The following PKD1L1 variants were observed in gnomAD, a reference collection of about 807,000 sequenced individuals.
PKD1L1 encodes the protein polycystin-1-like protein 1.
In PKD1L1, 236 loss-of-function variants were observed where a neutral mutation model predicts 323.4. That is an observed-to-expected ratio of 0.73 (90% confidence interval 0.66 to 0.81). PKD1L1 has a LOEUF of 0.81. PKD1L1 is among the 40% of genes least tolerant of loss of function. The pLI is 0.00. For missense variants in PKD1L1, 3,320 were observed against 3,508.0 expected (o/e 0.95, Z 1.35); for synonymous variants, 1,344 against 1,335.0 (o/e 1.01, Z -0.15).
chr7:47,910,888 A>G (rs889094421), intron 8 of PKD1L1, among the ~76,000 whole-genome samples: 38 of 138,080 alleles, frequency 2.8e-4, no homozygotes, highest in Non-Finnish European at 1.5e-4. Flanking sequence ...GGATTTCACC[A>G]TGTTGGCCAA....
intron 48 of PKD1L1, 134 bp downstream of exon 48, chr7:47,813,797 C>G: frequency 1.3e-6 from 1 of 761,548 alleles, no homozygotes; most frequent in South Asian, 1.7e-5. Context: ...CTCCCCAGCC[C>G]CGGCACTGAC....
chr7:47,880,274 A>ATTT (rs1786517137), intron 21 of PKD1L1, among the ~76,000 whole-genome samples: 2 of 69,776 alleles, frequency 2.9e-5, no homozygotes, highest in African/African-American at 1.5e-4. Context: ...ACATATATAT[A>ATTT]TATATATATA....
chr7:47,834,332 G>T lies in PKD1L1; in HGVS notation c.6174+7C>A. ...AGATTAGCTGCTGCGCATAATGATT[G>T]ATTTACCTTGCGTGGCTCCTGTGCG... is the stretch of plus-strand genomic sequence containing the variant. On this transcript the variant is annotated splice_region_variant and intron_variant, in intron 40 of 56. Coordinates refer to ENST00000289672, the MANE Select transcript of PKD1L1 (RefSeq NM_138295.5). 6.2e-7 allele frequency: 1 copy of T among 1,612,880 alleles called. No homozygotes were observed. Among genetic ancestry groups the T allele is most frequent in the East Asian group, 2.2e-5 (1 of 44,884 alleles).
At chr7:47,861,521 C>T (rs11763656) in intron 26 of PKD1L1, among the ~76,000 whole-genome samples, 26,108 of 152,126 alleles carry the variant, frequency 0.17, 2,402 homozygotes, top group East Asian at 0.36. Flanking sequence ...AAGATGCCTA[C>T]GTTGGGTTGT....
chr7:47,796,162 A>G lies in PKD1L1; in HGVS notation c.8194-12T>C, dbSNP rs1393414936. ...AGAAAACCTCTCAGCTAGGAAAAAG[A>G]AAAAAATAAAGACAAATTTCATGTT... is the stretch of plus-strand genomic sequence containing the variant. On this transcript the variant is annotated splice_polypyrimidine_tract_variant and intron_variant, in intron 54 of 56. Coordinates refer to ENST00000289672, the MANE Select transcript of PKD1L1 (RefSeq NM_138295.5). 1 of 1,566,534 alleles carries G rather than the reference A, an allele frequency of 6.4e-7. No homozygotes were observed. The highest frequency in any genetic ancestry group is 1.4e-5 in the African/African-American group (1 of 72,344).
intron 56 of PKD1L1, among the ~76,000 whole-genome samples, chr7:47,789,273 C>T (rs185342003): frequency 1.3e-5 from 2 of 152,162 alleles, no homozygotes; most frequent in African/African-American, 2.4e-5. Flanking sequence ...AGATTTCTGT[C>T]TCTACTCAAG....
At chr7:47,803,494 G>A (rs1784711604) in intron 52 of PKD1L1, 150 bp from the exon 53 acceptor site, 4 of 848,192 alleles carry the variant, frequency 4.7e-6, no homozygotes, top group African/African-American at 1.7e-5. Context: ...AAGTGCAGAT[G>A]TCTGCAGAGG....
At chr7:47,902,558 C>A in intron 12 of PKD1L1, 47 bp from the exon 13 acceptor site, 2 of 1,594,630 alleles carry the variant, frequency 1.3e-6, no homozygotes, top group Non-Finnish European at 8.6e-7. Flanking sequence ...TGTTGATGAA[C>A]GTCAGGCTTT....
chr7:47,825,272 A>G (rs1485710021), intron 45 of PKD1L1, among the ~76,000 whole-genome samples: 1 of 150,566 alleles, frequency 6.6e-6, no homozygotes, highest in African/African-American at 2.4e-5. Flanking sequence ...GCTCATGCCT[A>G]TAATCCCAGC....
intron 7 of PKD1L1, among the ~76,000 whole-genome samples, chr7:47,919,953 G>A (rs1787501804): frequency 1.3e-5 from 2 of 152,036 alleles, no homozygotes; most frequent in African/African-American, 2.4e-5. Flanking sequence ...CTGAGAACTC[G>A]AACAAGACAA....
Position 47,904,372 on chromosome 7 carries a change from G to A in PKD1L1, c.1931+6C>T. ...GAGAGCACTCCGCCGCCTTGCAGTG[G>A]CTCACCTACTGTAGACATGGCTGCT... On this transcript the variant is annotated splice_donor_region_variant and intron_variant, in intron 12 of 56. Coordinates refer to ENST00000289672, the MANE Select transcript of PKD1L1 (RefSeq NM_138295.5). 1 of 1,613,972 alleles carries A rather than the reference G, an allele frequency of 6.2e-7. No individual in the cohort carries two copies. The highest frequency in any genetic ancestry group is 1.1e-5 in the South Asian group (1 of 91,082).
At position 47,811,923 on chromosome 7, in the gene PKD1L1, C is replaced by A; in HGVS notation, c.7475G>T (p.Arg2492Ile). ...ACTCCCCGTAGGGAGGATCTCCACTCTCAGGGACACGCTGGTGAAGAGTTG... is the reference window on the plus strand; with the variant it reads ...ACTCCCCGTAGGGAGGATCTCCACTATCAGGGACACGCTGGTGAAGAGTTG... ...PTQLFTSVSL[R>I]VEILPTGSLV... The change falls in exon 50 of 57, where the codon AGA becomes ATA. Residue 2492 changes from arginine to isoleucine, a missense_variant. Arg to Ile is a moderately conservative substitution (Grantham distance 97). Transcript: ENST00000289672. 1 of 1,608,890 alleles carries A rather than the reference C, an allele frequency of 6.2e-7. No individual in the cohort carries two copies. The highest frequency in any genetic ancestry group is 2.2e-5 in the East Asian group (1 of 44,664).
intron 42 of PKD1L1, among the ~76,000 whole-genome samples, chr7:47,830,784 C>T (rs924655105): frequency 4.6e-5 from 7 of 152,148 alleles, no homozygotes; most frequent in Non-Finnish European, 7.4e-5. Context: ...TACCATGTGC[C>T]GGAGTGACAG....
chr7:47,803,897 G>A (rs1310716923), intron 52 of PKD1L1, among the ~76,000 whole-genome samples: 1 of 152,158 alleles, frequency 6.6e-6, no homozygotes, highest in East Asian at 1.9e-4. Flanking sequence ...TAGTACAACT[G>A]GGGGGCATGG....
In PKD1L1 at chr7:47,928,005, G is replaced by A. The variant is rs891569614; in HGVS notation, c.1060+1199C>T. ...CTCAGCAACCACACCAAAAGCCAGG[G>A]AAGCTCTTTCTGTGTAGACAGGGAA... is the stretch of plus-strand genomic sequence containing the variant. On this transcript the variant is annotated intron_variant, in intron 7 of 56. Coordinates refer to ENST00000289672, the MANE Select transcript of PKD1L1 (RefSeq NM_138295.5). 6.6e-5 allele frequency among the ~76,000 whole-genome samples: 10 copies of A among 152,314 alleles called. No individual in the cohort carries two copies. The South Asian group carries it at 2.1e-3, about 32-fold the overall frequency.
intron 13 of PKD1L1, among the ~76,000 whole-genome samples, chr7:47,902,033 GGAAAA>G (rs199667705): frequency 7.1e-4 from 94 of 132,516 alleles, no homozygotes; most frequent in East Asian, 2.5e-3. Context: ...GGAAAGGAAA[GGAAAA>G]GAAAAGAAAA....
chr7:47,805,096 CACACACA>C (rs1784749641), intron 52 of PKD1L1, among the ~76,000 whole-genome samples: 1 of 127,556 alleles, frequency 7.8e-6, no homozygotes, highest in Non-Finnish European at 1.8e-5. Flanking sequence ...TACACACACA[CACACACA>C]CACACACACA....
In PKD1L1 at chr7:47,844,989, A is replaced by C. The variant is rs372689787; in HGVS notation, c.5237+6T>G. On this transcript the variant is annotated splice_donor_region_variant and intron_variant, in intron 33 of 56. Transcript: ENST00000289672. ...ATGAAGTCTTTATGTAGGAAATGGA[A>C]CTTACCTCTGTAGCTTGGAAATGTC... The C allele has an allele frequency of 1.9e-6, 3 of 1,610,586 alleles. No homozygotes were observed. The highest frequency in any genetic ancestry group is 2.7e-5 in the African/African-American group (2 of 74,838).
Position 47,844,985 on chromosome 7 carries a change from T to A in PKD1L1, c.5237+10A>T, listed in dbSNP as rs200854691. On this transcript the variant is annotated intron_variant, in intron 33 of 56. Coordinates refer to ENST00000289672, the MANE Select transcript of PKD1L1 (RefSeq NM_138295.5). ...GTCTATGAAGTCTTTATGTAGGAAA[T>A]GGAACTTACCTCTGTAGCTTGGAAA... 2.6e-4 allele frequency: 422 copies of A among 1,608,168 alleles called. 5 individuals are homozygous for A. In the African/African-American group the frequency reaches 4.9e-3, roughly 19 times the overall value.
Sources: allele counts gnomAD v4.1 joint callset (sites outside exome capture counted in the v4.1 genomes callset), GRCh38; gene constraint gnomAD v4.1.1; transcripts MANE v1.5; gene names NCBI Gene and HGNC (gene_info 2026-07-23, HGNC 2026-07-21).